ADGRL2: variants seen among roughly 807,000 people sequenced by gnomAD.
The protein encoded by ADGRL2 is adhesion G protein-coupled receptor L2, also known as calcium-independent alpha-latrotoxin receptor 2.
In ADGRL2, 44 loss-of-function variants were observed where a neutral mutation model predicts 157.4. That is an observed-to-expected ratio of 0.28 (90% CI 0.22 to 0.36). The LOEUF (loss-of-function observed/expected upper bound fraction) is 0.36. Among genes scored for constraint, ADGRL2 ranks in the 10% least tolerant of loss-of-function variants. The pLI, the probability that ADGRL2 is intolerant of heterozygous loss-of-function variation, is 1.00. For synonymous variants in ADGRL2, 585 were observed against 624.7 expected (o/e 0.94, Z 0.95); for missense variants, 1,510 against 1,768.9 (o/e 0.85, Z 2.63).
At chr1:81,951,578 A>G (rs1056186081) in intron 8 of ADGRL2, among the ~76,000 whole-genome samples, 2 of 152,154 alleles carry the variant, frequency 1.3e-5, no homozygotes, top group African/African-American at 4.8e-5. Flanking sequence ...CTTTATGACG[A>G]ATAAACATCA....
intron 19 of ADGRL2, among the ~76,000 whole-genome samples, 193 bp downstream of exon 19, chr1:81,982,169 A>T (rs77716167): frequency 0.016 from 2,485 of 152,046 alleles, 48 homozygotes; most frequent in African/African-American, 0.046. Flanking sequence ...CATCTTTTGT[A>T]TCTCAGTTTG....
intron 1 of ADGRL2, among the ~76,000 whole-genome samples, chr1:81,830,011 A>G (rs1281537729): frequency 6.6e-6 from 1 of 152,188 alleles, no homozygotes; most frequent in Non-Finnish European, 1.5e-5. Context: ...AACTGCTGTT[A>G]GTTACTTCTC....
chr1:81,391,244 T>G (rs1262441912), intron 1 of ADGRL2, among the ~76,000 whole-genome samples: 1 of 152,306 alleles, frequency 6.6e-6, no homozygotes, highest in African/African-American at 2.4e-5. Context: ...GAGTGACATG[T>G]GGTTTGTGCT....
intron 2 of ADGRL2, among the ~76,000 whole-genome samples, chr1:81,576,771 C>A (rs763363771): frequency 6.6e-6 from 1 of 151,990 alleles, no homozygotes; most frequent in Non-Finnish European, 1.5e-5. Flanking sequence ...TAGGCATTTG[C>A]GCATATATAT....
intron 2 of ADGRL2, among the ~76,000 whole-genome samples, chr1:81,490,127 ATTC>A (rs1222947329): frequency 1.4e-5 from 2 of 143,620 alleles, no homozygotes; most frequent in African/African-American, 5.3e-5. Flanking sequence ...GACTTAACAT[ATTC>A]TTTTTTTTTT....
chr1:81,498,214 G>T (rs118023036), intron 2 of ADGRL2, among the ~76,000 whole-genome samples: 1 of 152,104 alleles, frequency 6.6e-6, no homozygotes, highest in Non-Finnish European at 1.5e-5. Context: ...AGCAAGTATC[G>T]TGAAATTATC....
intron 2 of ADGRL2, among the ~76,000 whole-genome samples, chr1:81,448,932 C>A (rs1221484225): frequency 1.3e-5 from 2 of 150,506 alleles, no homozygotes; most frequent in East Asian, 3.9e-4. Flanking sequence ...TAAAGTGTGA[C>A]CCCTATACTT....
At chr1:81,587,913 C>T (rs879298349) in intron 3 of ADGRL2, among the ~76,000 whole-genome samples, 2 of 152,082 alleles carry the variant, frequency 1.3e-5, no homozygotes, top group Non-Finnish European at 2.9e-5. Context: ...TGCATACTAT[C>T]GGGTTTGGGT....
intron 1 of ADGRL2, among the ~76,000 whole-genome samples, chr1:81,818,011 A>T (rs1035468015): frequency 1.3e-5 from 2 of 151,298 alleles, no homozygotes; most frequent in African/African-American, 4.9e-5. Context: ...AGAAATTAAA[A>T]AAATAAATAA....
intron 1 of ADGRL2, among the ~76,000 whole-genome samples, chr1:81,750,438 G>A (rs1402080893): frequency 1.3e-5 from 2 of 152,206 alleles, no homozygotes; most frequent in African/African-American, 2.4e-5. Flanking sequence ...AGAAAGTATG[G>A]CTGGGCCAGG....
At chr1:81,957,599 T>C (rs1653946191) in intron 11 of ADGRL2, among the ~76,000 whole-genome samples, 1 of 152,000 alleles carries the variant, frequency 6.6e-6, no homozygotes, top group Non-Finnish European at 1.5e-5. Flanking sequence ...TCCCAGCTAC[T>C]GGGGAGGCTG....
At chr1:81,982,675 A>G (rs1003526880) in intron 19 of ADGRL2, among the ~76,000 whole-genome samples, 14 of 151,936 alleles carry the variant, frequency 9.2e-5, no homozygotes, top group Non-Finnish European at 1.5e-4. Flanking sequence ...GAACAGAGAA[A>G]TAGAATTGTG....
chr1:81,606,151 CT>C (rs900580871), intron 3 of ADGRL2, among the ~76,000 whole-genome samples: 1 of 152,062 alleles, frequency 6.6e-6, no homozygotes, highest in Admixed American at 6.6e-5. Flanking sequence ...GCTCAAGCAG[CT>C]TTTTTTAGAA....
intron 2 of ADGRL2, among the ~76,000 whole-genome samples, chr1:81,788,977 A>G (rs2149408448): frequency 6.6e-6 from 1 of 152,284 alleles, no homozygotes; most frequent in Admixed American, 6.5e-5. Flanking sequence ...TGGCCTCCCA[A>G]AGTGCTGGGA....
chr1:81,570,923 T>A (rs2080673948), intron 2 of ADGRL2, among the ~76,000 whole-genome samples: 1 of 152,250 alleles, frequency 6.6e-6, no homozygotes, highest in South Asian at 2.1e-4. Flanking sequence ...CACCAGAGAA[T>A]CCCTGTTGCA....
intron 2 of ADGRL2, among the ~76,000 whole-genome samples, chr1:81,479,414 C>CA (rs1338053339): frequency 6.6e-6 from 1 of 151,954 alleles, no homozygotes; most frequent in Non-Finnish European, 1.5e-5. Context: ...ACCCAGGATG[C>CA]AGAGGTTACA....
In ADGRL2 at chr1:81,447,464, A is replaced by G. The variant is rs183212689; in HGVS notation, c.-248+2375A>G. The stretch of plus-strand genomic sequence containing the variant: ...ATTTGCTCTGATAGTGTAAGAAGCA[A>G]AAATGGGTAATGTCTACTACCTATA... On this transcript the variant is annotated intron_variant, in intron 2 of 24. Coordinates refer to the ADGRL2 transcript ENST00000370721. Among the ~76,000 whole-genome samples the G allele has an allele frequency of 1.2e-4, 19 of 152,316 alleles. No individual in the cohort carries two copies. The East Asian group carries it at 3.7e-3, about 29-fold the overall frequency.
intron 1 of ADGRL2, among the ~76,000 whole-genome samples, chr1:81,347,404 A>G (rs368014265): frequency 1.3e-5 from 2 of 152,158 alleles, no homozygotes; most frequent in African/African-American, 4.8e-5. Flanking sequence ...GTTTCAAAAA[A>G]AAAAAATTTC....
intron 2 of ADGRL2, among the ~76,000 whole-genome samples, chr1:81,465,141 T>C (rs923186139): frequency 2.6e-5 from 4 of 151,928 alleles, no homozygotes; most frequent in Admixed American, 2.0e-4. Flanking sequence ...ACTGTTAAAA[T>C]GACAACTTCA....
Sources: gnomAD v4.1 joint callset for allele counts (sites outside exome capture counted in the v4.1 genomes callset) on GRCh38, gnomAD v4.1.1 for gene constraint, MANE v1.5 for transcripts, NCBI Gene and HGNC (gene_info 2026-07-23, HGNC 2026-07-21) for gene names.